PURG: variants seen among roughly 807,000 people sequenced by gnomAD.
The protein encoded by PURG is purine-rich element-binding protein gamma.
Under a neutral mutation model 24.3 loss-of-function variants are expected in PURG, and 3 were observed. The observed-to-expected ratio is 0.12, with a 90% CI of 0.06 to 0.32. The LOEUF (loss-of-function observed/expected upper bound fraction) is 0.32, where lower values mean the gene tolerates loss of function less well. Ranked by LOEUF, PURG falls within the 10% of genes least tolerant of loss-of-function variation. PURG has a pLI of 1.00. For missense variants in PURG, 371 were observed against 439.1 expected (o/e 0.84, Z 1.39); for synonymous variants, 180 against 173.1 (o/e 1.04, Z -0.31).
Position 31,033,063 on chromosome 8 carries a change from C to T in PURG, c.-7+15G>A. 4.9e-6 allele frequency: 1 copy of T among 204,382 alleles called. No individual in the cohort carries two copies. Among genetic ancestry groups the T allele is most frequent in the Non-Finnish European group, 9.7e-6 (1 of 103,032 alleles). The allele number at this position is 204,382 out of a possible 1,614,324, so 12.7% of individuals were successfully genotyped here. A position where few individuals can be genotyped will look rare whatever the true frequency, so the allele number is the denominator to read the frequency against. On this transcript the variant is annotated intron_variant, in intron 1 of 1. Transcript: ENST00000523392. Reference sequence around the variant, plus strand: ...GCGCTCCGCGGCCCCAGGTCTCCAGCCGGCGGGCACTCACATCATCTCTGC... The same window carrying T: ...GCGCTCCGCGGCCCCAGGTCTCCAGTCGGCGGGCACTCACATCATCTCTGC...
In PURG at chr8:31,032,660, G is replaced by A. The variant is rs182768208; in HGVS notation, c.123C>T (p.His41=). Residue 41 remains histidine, a synonymous_variant, in exon 2 of 2, where the codon CAC becomes CAT. Transcript: ENST00000523392. This position sits in a 1 kb window ranked among gnomAD's most constrained non-coding sequence, Gnocchi z 5.9. ...YPQAQHSHYP[H]YAASATPNQA... is the part of the protein sequence containing the mutation. ...GATTAGGGGTGGCTGAGGCCGCGTA[G>A]TGGGGGTAGTGGGAGTGCTGGGCCT... The A allele has an allele frequency of 1.2e-4, 181 of 1,563,118 alleles. No homozygotes were observed. In the East Asian group the frequency reaches 3.6e-3, roughly 31 times the overall value.
At chr8:31,010,599 A>C (rs1810745071) in intron 1 of PURG, among the ~76,000 whole-genome samples, 1 of 152,186 alleles carries the variant, frequency 6.6e-6, no homozygotes, top group African/African-American at 2.4e-5. Context: ...TTAAATTTCT[A>C]TGTTATTATT....
downstream of PURG, among the ~76,000 whole-genome samples, chr8:31,029,217 T>G (rs1405930457): frequency 6.6e-6 from 1 of 151,734 alleles, no homozygotes. Flanking sequence ...AATGATTAAC[T>G]ATGAAAAAAA....
chr8:31,030,044 G>A (rs1440096976), downstream of PURG, among the ~76,000 whole-genome samples: 3 of 151,882 alleles, frequency 2.0e-5, no homozygotes, highest in East Asian at 5.8e-4. Context: ...TATATGTCGG[G>A]GTTACTGATT....
intron 1 of PURG, among the ~76,000 whole-genome samples, chr8:31,022,898 T>G (rs989491258): frequency 2.7e-4 from 41 of 152,250 alleles, no homozygotes; most frequent in African/African-American, 9.2e-4. Context: ...TCTGTATATA[T>G]CTTTATCCTT....
intron 1 of PURG, among the ~76,000 whole-genome samples, chr8:31,023,660 T>C (rs1359285030): frequency 6.6e-6 from 1 of 151,720 alleles, no homozygotes; most frequent in Non-Finnish European, 1.5e-5. Context: ...TTCTTAAGGC[T>C]AAAAAAAACC....
Position 31,032,206 on chromosome 8 carries a change from C to T in PURG, c.577G>A (p.Gly193Ser). ...YYLDLKENQR[G>S]RFLRIRQTMM... ...GTTTGTCTAATCCGTAGGAAGCGACCCCGCTGATTTTCCTTTAGGTCTAGG... is the reference window on the plus strand; with the variant it reads ...GTTTGTCTAATCCGTAGGAAGCGACTCCGCTGATTTTCCTTTAGGTCTAGG... Residue 193 changes from glycine to serine, a missense_variant, in exon 2 of 2, where the codon GGT (glycine) becomes AGT (serine). By Grantham distance (56) the Gly-to-Ser change is moderately conservative (BLOSUM62 0). Coordinates refer to ENST00000523392, the MANE Select transcript of PURG (RefSeq NM_001323311.2). The surrounding 1 kb of genome is among the most constrained non-coding windows in gnomAD (Gnocchi z 5.9). 2 of 1,614,152 alleles carry T rather than the reference C, an allele frequency of 1.2e-6. No individual in the cohort carries two copies. The highest frequency in any genetic ancestry group is 1.7e-6 in the Non-Finnish European group (2 of 1,180,006).
chr8:31,031,949 C>G lies in PURG; in HGVS notation c.834G>C (p.Val278=), dbSNP rs1439792208. The change falls in exon 2 of 2, where the codon GTG becomes GTC. Residue 278 remains valine, a synonymous_variant. Coordinates refer to ENST00000523392, the MANE Select transcript of PURG (RefSeq NM_001323311.2). ...GGAAAATTCCATATTTATTAGAGCC[C>G]ACATCAAAGTAGAACCTTTTATTGT... is the stretch of plus-strand genomic sequence containing the variant. ...RVDNKRFYFD[V]GSNKYGIFLK... 1 of 1,614,156 alleles carries G rather than the reference C, an allele frequency of 6.2e-7. No individual in the cohort carries two copies. The highest frequency in any genetic ancestry group is 8.5e-7 in the Non-Finnish European group (1 of 1,180,038).
intron 1 of PURG, among the ~76,000 whole-genome samples, chr8:31,021,828 C>A (rs1336996194): frequency 6.6e-6 from 1 of 152,078 alleles, no homozygotes; most frequent in Non-Finnish European, 1.5e-5. Flanking sequence ...ATAAGGGGCC[C>A]AGCTATGTCT....
At chr8:31,016,580 C>CAAAA (rs1810871343) in intron 1 of PURG, among the ~76,000 whole-genome samples, 1 of 71,410 alleles carries the variant, frequency 1.4e-5, no homozygotes, top group African/African-American at 6.2e-5. Context: ...CTACCAAGAA[C>CAAAA]CAAAAAAAAA....
rs563396781 is a variant in PURG, at chr8:31,010,821, C to T, written c.865-14124G>A. Among the ~76,000 whole-genome samples, 9 of 152,038 alleles carry T rather than the reference C, an allele frequency of 5.9e-5. No individual in the cohort carries two copies. The East Asian group carries it at 7.7e-4, about 13-fold the overall frequency. ...AAAAGAACTTGGAAAATGATTTTAA[C>T]GTATATGTAAATTATTATAATTTAA... On this transcript the variant is annotated intron_variant, in intron 1 of 1. Transcript: ENST00000339382.
At chr8:31,004,799 G>A (rs1354262265) in intron 1 of PURG, among the ~76,000 whole-genome samples, 2 of 152,282 alleles carry the variant, frequency 1.3e-5, no homozygotes, top group South Asian at 4.1e-4. Context: ...TTCCTGATGC[G>A]AACTCAGGTT....
chr8:31,012,801 G>C (rs2543621), intron 1 of PURG, among the ~76,000 whole-genome samples: 1 of 152,244 alleles, frequency 6.6e-6, no homozygotes, highest in Non-Finnish European at 1.5e-5. Context: ...ACTACTGCAC[G>C]CTATGAAGTC....
chr8:31,026,877 AT>A (rs990788213), downstream of PURG, among the ~76,000 whole-genome samples: 3 of 151,340 alleles, frequency 2.0e-5, no homozygotes, highest in South Asian at 6.2e-4. Flanking sequence ...ACAAGTACGG[AT>A]TTTTTCCATT....
intron 1 of PURG, among the ~76,000 whole-genome samples, chr8:31,021,612 C>G (rs927795582): frequency 3.9e-5 from 6 of 152,100 alleles, no homozygotes; most frequent in Non-Finnish European, 5.9e-5. Flanking sequence ...TGGGGGTAGA[C>G]TGTGCTTTAT....
Position 31,032,837 on chromosome 8 carries a change from A to G in PURG, c.-6-49T>C. ...GGGATGGGGTGGGGGAGGGGTGTTGAGAACAATCGCAGACGCCCCTCGGCC... is the reference window on the plus strand; with the variant it reads ...GGGATGGGGTGGGGGAGGGGTGTTGGGAACAATCGCAGACGCCCCTCGGCC... On this transcript the variant is annotated intron_variant, in intron 1 of 1. Transcript: ENST00000523392. The surrounding 1 kb of genome is among the most constrained non-coding windows in gnomAD (Gnocchi z 5.9). The G allele has an allele frequency of 7.9e-7, 1 of 1,271,022 alleles. No individual in the cohort carries two copies. The highest frequency in any genetic ancestry group is 1.0e-6 in the Non-Finnish European group (1 of 1,001,712). The allele number at this position is 1,271,022 out of a possible 1,614,324, so 78.7% of individuals were successfully genotyped here.
chr8:31,001,304 C>T (rs1052998030), intron 1 of PURG, among the ~76,000 whole-genome samples: 2 of 152,164 alleles, frequency 1.3e-5, no homozygotes, highest in African/African-American at 2.4e-5. Flanking sequence ...AGAATCATTT[C>T]TACCCTATAA....
intron 1 of PURG, among the ~76,000 whole-genome samples, chr8:30,999,515 T>C (rs1333744772): frequency 6.6e-6 from 1 of 151,816 alleles, no homozygotes; most frequent in Admixed American, 6.6e-5. Flanking sequence ...GAATTACCAG[T>C]AGGAAAAAAG....
downstream of PURG, among the ~76,000 whole-genome samples, chr8:31,030,486 C>A (rs908097868): frequency 3.9e-5 from 6 of 151,968 alleles, no homozygotes; most frequent in Non-Finnish European, 7.4e-5. Flanking sequence ...TGCTGTGGCA[C>A]TTCCTGGAAA....
Sources: gnomAD v4.1 joint callset for allele counts (sites outside exome capture counted in the v4.1 genomes callset) on GRCh38, gnomAD v4.1.1 for gene constraint, Gnocchi (gnomAD v3.1) non-coding constraint, MANE v1.5 for transcripts, NCBI Gene and HGNC (gene_info 2026-07-23, HGNC 2026-07-21) for gene names.